Variants in APP observed in about 807,000 individuals in gnomAD.
The protein encoded by APP is amyloid-beta precursor protein.
APP carries 31 observed loss-of-function variants against 101.4 expected under a neutral mutation model. That is an observed-to-expected ratio of 0.31 (90% confidence interval 0.23 to 0.41). The LOEUF is 0.41. Among genes scored for constraint, APP ranks in the 10% least tolerant of loss-of-function variants. The pLI, the probability that APP is intolerant of heterozygous loss-of-function variation, is 1.00. For missense variants in APP, 839 were observed against 1,003.7 expected (o/e 0.84, Z 2.22); for synonymous variants, 366 against 364.4 (o/e 1.00, Z -0.05).
intron 1 of APP, among the ~76,000 whole-genome samples, chr21:26,140,849 T>C (rs1569024657): frequency 6.6e-6 from 1 of 152,208 alleles, no homozygotes; most frequent in Non-Finnish European, 1.5e-5. Context: ...CCAAACTTCA[T>C]AGGGTGGTTG....
chr21:26,056,810 T>G (rs1318544886), intron 3 of APP, among the ~76,000 whole-genome samples: 3 of 152,206 alleles, frequency 2.0e-5, no homozygotes, highest in Non-Finnish European at 4.4e-5. Context: ...CATTGTATTC[T>G]AACATTAAAA....
At chr21:26,000,252 G>A (rs2043236270) in intron 6 of APP, 70 bp from the exon 7 acceptor site, 19 of 1,586,218 alleles carry the variant, frequency 1.2e-5, no homozygotes, top group East Asian at 4.5e-5. Flanking sequence ...ATGTATACAC[G>A]TTTACTTCTT....
chr21:25,986,758 C>CAAAT (rs71183537), intron 8 of APP, among the ~76,000 whole-genome samples: 27 of 152,098 alleles, frequency 1.8e-4, no homozygotes, highest in East Asian at 1.7e-3. Flanking sequence ...CACTCCGTCT[C>CAAAT]AAATAAATAA....
chr21:26,051,251 A>C, intron 4 of APP, 58 bp from the exon 5 acceptor site: 1 of 1,489,640 alleles, frequency 6.7e-7, no homozygotes, highest in Non-Finnish European at 9.2e-7. Flanking sequence ...CATTGTAAGA[A>C]AACTCCACAT....
At chr21:26,020,045 A>T (rs2044270520) in intron 6 of APP, among the ~76,000 whole-genome samples, 1 of 152,088 alleles carries the variant, frequency 6.6e-6, no homozygotes, top group Admixed American at 6.5e-5. Context: ...CTTTTTTTTC[A>T]AAGAACATGT....
At chr21:26,151,258 C>A (rs1053609573) in intron 1 of APP, among the ~76,000 whole-genome samples, 3 of 152,048 alleles carry the variant, frequency 2.0e-5, no homozygotes, top group African/African-American at 7.3e-5. Context: ...AATCATGTAA[C>A]CCACTTCATG....
At chr21:26,034,151 G>T (rs1555852073) in intron 5 of APP, among the ~76,000 whole-genome samples, 1 of 152,130 alleles carries the variant, frequency 6.6e-6, no homozygotes, top group African/African-American at 2.4e-5. Context: ...CTCACTTTCT[G>T]CATGGATAAT....
At chr21:26,148,186 C>G (rs963746055) in intron 1 of APP, among the ~76,000 whole-genome samples, 8 of 152,200 alleles carry the variant, frequency 5.3e-5, no homozygotes, top group Admixed American at 1.3e-4. Flanking sequence ...TTACCCACTT[C>G]CCAGTCCCCT....
chr21:26,130,079 G>A (rs558363965), intron 1 of APP, among the ~76,000 whole-genome samples: 3 of 152,286 alleles, frequency 2.0e-5, no homozygotes, highest in Non-Finnish European at 4.4e-5. Flanking sequence ...TGTGCTAAAT[G>A]TCATTACATA....
At chr21:25,988,717 A>C (rs955040714) in intron 8 of APP, among the ~76,000 whole-genome samples, 1 of 148,870 alleles carries the variant, frequency 6.7e-6, no homozygotes. Context: ...AAAAAAAAAA[A>C]AAAAAAGGAG....
At chr21:25,926,202 T>C (rs866458595) in intron 13 of APP, among the ~76,000 whole-genome samples, 7 of 152,156 alleles carry the variant, frequency 4.6e-5, no homozygotes, top group Non-Finnish European at 8.8e-5. Flanking sequence ...GGTCAGTAAG[T>C]GTAGAGGGCA....
intron 15 of APP, among the ~76,000 whole-genome samples, chr21:25,898,301 CAG>C (rs762313225): frequency 5.9e-5 from 9 of 152,178 alleles, no homozygotes; most frequent in Non-Finnish European, 1.0e-4. Context: ...TAGCAACTAA[CAG>C]AATTTATAAC....
chr21:26,038,881 C>T (rs937080644), intron 5 of APP, among the ~76,000 whole-genome samples: 3 of 152,118 alleles, frequency 2.0e-5, no homozygotes, highest in Admixed American at 6.6e-5. Context: ...ACCAATTAGT[C>T]GTTTTGGAAG....
At chr21:25,882,340 A>G (rs1218951770) in intron 17 of APP, among the ~76,000 whole-genome samples, 1 of 150,012 alleles carries the variant, frequency 6.7e-6, no homozygotes, top group Non-Finnish European at 1.5e-5. Flanking sequence ...TAAAACAATA[A>G]CATATACCAA....
chr21:25,935,624 A>T (rs550251020), intron 13 of APP, among the ~76,000 whole-genome samples: 3 of 152,070 alleles, frequency 2.0e-5, no homozygotes, highest in Non-Finnish European at 4.4e-5. Flanking sequence ...AGTGGATTAC[A>T]AGGTCAGGAA....
At chr21:26,002,040 A>G (rs1449252067) in intron 6 of APP, among the ~76,000 whole-genome samples, 1 of 152,246 alleles carries the variant, frequency 6.6e-6, no homozygotes, top group African/African-American at 2.4e-5. Flanking sequence ...CTGTAAGAGT[A>G]TTGTGTACAG....
At chr21:25,972,774 A>G (rs1213096380) in intron 11 of APP, among the ~76,000 whole-genome samples, 3 of 152,296 alleles carry the variant, frequency 2.0e-5, no homozygotes, top group African/African-American at 7.2e-5. Context: ...AAGAGTTTAC[A>G]GCACCCAAAA....
chr21:26,010,219 A>C lies in APP; in HGVS notation c.866-10037T>G, dbSNP rs150720702. 2.9e-3 allele frequency among the ~76,000 whole-genome samples: 434 copies of C among 152,112 alleles called. 6 individuals are homozygous for C. Among genetic ancestry groups the C allele is most frequent in the African/African-American group, 0.01 (417 of 41,518 alleles). ...AGAGTGAATTCCTTTTGAACAAAAA[A>C]AAAAAAAAACAAAACAAAACTAGGA... is the stretch of plus-strand genomic sequence containing the variant. On this transcript the variant is annotated intron_variant, in intron 6 of 17. Transcript: ENST00000346798.
intron 2 of APP, among the ~76,000 whole-genome samples, chr21:26,091,945 G>A (rs1011206493): frequency 1.3e-4 from 20 of 152,042 alleles, no homozygotes; most frequent in South Asian, 6.2e-4. Flanking sequence ...GACGATACAC[G>A]GAATTTCACT....
Sources: gnomAD v4.1 joint callset for allele counts (sites outside exome capture counted in the v4.1 genomes callset) on GRCh38, gnomAD v4.1.1 for gene constraint, MANE v1.5 for transcripts, NCBI Gene and HGNC (gene_info 2026-07-23, HGNC 2026-07-21) for gene names.